USP45: variants seen among roughly 807,000 people sequenced by gnomAD.
USP45 encodes ubiquitin specific peptidase 45.
Under a neutral mutation model 95.8 loss-of-function variants are expected in USP45, and 89 were observed. The observed-to-expected ratio is 0.93, with a 90% confidence interval of 0.78 to 1.11. The LOEUF (loss-of-function observed/expected upper bound fraction) is 1.11. Among genes scored for constraint, USP45 ranks in the 50% least tolerant of loss-of-function variants. USP45 has a pLI of 0.00. For missense variants in USP45, 898 were observed against 942.5 expected, an observed-to-expected ratio of 0.95 and a Z score of 0.62; for synonymous variants, 281 against 316.2, an observed-to-expected ratio of 0.89 and a Z score of 1.18.
intron 4 of USP45, among the ~76,000 whole-genome samples, chr6:99,505,120 T>C (rs771498049): frequency 6.6e-6 from 1 of 152,144 alleles, no homozygotes; most frequent in Non-Finnish European, 1.5e-5. Flanking sequence ...TGATTACATA[T>C]AGAGATAGGT....
rs1303377846 is a variant in USP45 at position 99,451,082 on chromosome 6, T to C, written c.1309-4619A>G. On this transcript the variant is annotated intron_variant, in intron 13 of 17. Coordinates refer to ENST00000500704, the MANE Select transcript of USP45 (RefSeq NM_001346022.3). ...GACAAACCCACAGCCAATATCATAC[T>C]GAATGGGCAAAAACTGGAAGCATTC... 2.6e-5 allele frequency among the ~76,000 whole-genome samples: 4 copies of C among 152,222 alleles called. No homozygotes were observed. In the East Asian group the frequency reaches 7.7e-4, roughly 29 times the overall value.
intron 13 of USP45, among the ~76,000 whole-genome samples, chr6:99,464,220 C>T (rs1449163790): frequency 1.3e-5 from 2 of 152,138 alleles, no homozygotes; most frequent in Non-Finnish European, 2.9e-5. Context: ...GCAGGAGAAT[C>T]GCTTGAACCC....
chr6:99,442,771 C>T (rs1781762486), intron 15 of USP45, among the ~76,000 whole-genome samples: 1 of 152,110 alleles, frequency 6.6e-6, no homozygotes, highest in Non-Finnish European at 1.5e-5. Context: ...CGCTTGAACC[C>T]AGGAGTTGGA....
In USP45 at chr6:99,443,571, A is replaced by G. The variant is rs1781908226; in HGVS notation, c.2067T>C (p.Phe689=). 6.2e-7 allele frequency: 1 copy of G among 1,606,052 alleles called. No individual in the cohort carries two copies. Among genetic ancestry groups the G allele is most frequent in the African/African-American group, 1.3e-5 (1 of 74,808 alleles). ...TGCTACTGAAGAAACTTACCTGATG[A>G]AATCTTTTCAGGTGGAGAATTAGGA... ...PAVLILHLKR[F]HQAGLSLRKV... The change falls in exon 15 of 18, where the codon TTT becomes TTC. Residue 689 remains phenylalanine (F), a synonymous_variant. Coordinates refer to ENST00000500704, the MANE Select transcript of USP45 (RefSeq NM_001346022.3).
chr6:99,449,353 A>G (rs1783311376), intron 13 of USP45, among the ~76,000 whole-genome samples: 1 of 152,228 alleles, frequency 6.6e-6, no homozygotes, highest in Non-Finnish European at 1.5e-5. Context: ...AAACAAAAAA[A>G]GGCAGGGGTT....
At chr6:99,457,519 T>C (rs553131964) in intron 13 of USP45, among the ~76,000 whole-genome samples, 4 of 152,370 alleles carry the variant, frequency 2.6e-5, no homozygotes, top group Non-Finnish European at 5.9e-5. Context: ...TGATACATTC[T>C]ATGCATGTAT....
chr6:99,516,362 C>T (rs997394409), upstream of USP45, among the ~76,000 whole-genome samples: 1 of 152,186 alleles, frequency 6.6e-6, no homozygotes, highest in Non-Finnish European at 1.5e-5. Context: ...CTAAAAGTCT[C>T]CTGATCTTTC....
At chr6:99,447,025 G>A (rs1277098616) in intron 13 of USP45, among the ~76,000 whole-genome samples, 1 of 152,174 alleles carries the variant, frequency 6.6e-6, no homozygotes, top group East Asian at 1.9e-4. Context: ...TTCAGTTACT[G>A]TATAAGCCTT....
At chr6:99,436,196 T>C (rs1256449690) in intron 17 of USP45, among the ~76,000 whole-genome samples, 2 of 149,184 alleles carry the variant, frequency 1.3e-5, no homozygotes, top group African/African-American at 4.9e-5. Context: ...TTCCCCTCCC[T>C]GTGTCCATGT....
intron 5 of USP45, chr6:99,502,038 A>T: frequency 7.7e-7 from 1 of 1,291,320 alleles, no homozygotes; most frequent in Non-Finnish European, 1.0e-6. Context: ...ATGTGATTAG[A>T]ATGTTGGGGG....
intron 4 of USP45, among the ~76,000 whole-genome samples, chr6:99,504,254 C>T (rs1310653524): frequency 1.3e-5 from 2 of 152,200 alleles, no homozygotes; most frequent in Non-Finnish European, 2.9e-5. Flanking sequence ...GACTCTCCTG[C>T]CTCAGCCACC....
chr6:99,466,799 T>G (rs1347504773), intron 10 of USP45, 36 bp from the exon 11 acceptor site: 15 of 1,527,108 alleles, frequency 9.8e-6, no homozygotes, highest in Non-Finnish European at 1.4e-5. Flanking sequence ...AAAAAACATG[T>G]CAACCATCCA....
At chr6:99,454,341 C>A (rs1165135549) in intron 13 of USP45, among the ~76,000 whole-genome samples, 2 of 152,090 alleles carry the variant, frequency 1.3e-5, no homozygotes, top group African/African-American at 4.8e-5. Flanking sequence ...AATGTAAAAT[C>A]TAGAATATAA....
At chr6:99,498,379 T>C (rs889725990) in intron 5 of USP45, among the ~76,000 whole-genome samples, 1 of 152,164 alleles carries the variant, frequency 6.6e-6, no homozygotes, top group African/African-American at 2.4e-5. Flanking sequence ...AAAAAGAATA[T>C]AATCCAGAGT....
At chr6:99,437,455 G>A in intron 16 of USP45, 56 bp from the exon 17 acceptor site, 1 of 1,475,106 alleles carries the variant, frequency 6.8e-7, no homozygotes, top group Non-Finnish European at 9.1e-7. Context: ...ACTGTTTTAA[G>A]GAAAAGTAAG....
chr6:99,500,672 C>T (rs562406022), intron 5 of USP45, among the ~76,000 whole-genome samples: 1 of 152,266 alleles, frequency 6.6e-6, no homozygotes, highest in East Asian at 1.9e-4. Flanking sequence ...CATTTTTCAG[C>T]AGACAGAATT....
intron 6 of USP45, 89 bp downstream of exon 6, chr6:99,488,592 G>T: frequency 7.5e-7 from 1 of 1,340,654 alleles, no homozygotes; most frequent in Non-Finnish European, 1.0e-6. Flanking sequence ...GGAACATTTA[G>T]CAGTCATTTG....
At position 99,466,673 on chromosome 6, in the gene USP45, T is replaced by C; in HGVS notation, c.1106A>G (p.Asn369Ser). The change falls in exon 11 of 18, where the codon AAT becomes AGT. Residue 369 changes from asparagine to serine, a missense_variant and splice_region_variant. By Grantham distance (46) the Asn-to-Ser change is conservative. Coordinates refer to ENST00000500704, the MANE Select transcript of USP45 (RefSeq NM_001346022.3). ...TSTVMCEECA[N>S]ISTVKDPFID... ...TGAATTGAATTCTAAAGTACCTACA[T>C]TTGCACATTCTTCACACATGACCGT... is the stretch of plus-strand genomic sequence containing the variant. 1 of 1,611,710 alleles carries C rather than the reference T, an allele frequency of 6.2e-7. No homozygotes were observed. Among genetic ancestry groups the C allele is most frequent in the Middle Eastern group, 1.7e-4 (1 of 6,056 alleles).
intron 13 of USP45, among the ~76,000 whole-genome samples, chr6:99,456,192 T>C (rs943975892): frequency 1.7e-4 from 25 of 143,984 alleles, no homozygotes; most frequent in African/African-American, 6.1e-4. Context: ...ATGATAGATA[T>C]CAGAGGCTTA....
Sources: gnomAD v4.1 joint callset for allele counts (sites outside exome capture counted in the v4.1 genomes callset) on GRCh38, gnomAD v4.1.1 for gene constraint, MANE v1.5 for transcripts, NCBI Gene and HGNC (gene_info 2026-07-23, HGNC 2026-07-21) for gene names.